Variants in FRMPD4 observed in about 807,000 individuals in gnomAD.
FRMPD4 encodes the protein FERM and PDZ domain containing 4.
Under a neutral mutation model 94.1 loss-of-function variants are expected in FRMPD4, and 22 were observed. The ratio of observed to expected loss-of-function variants is 0.23; its 90% CI spans 0.17 to 0.33. FRMPD4 has a LOEUF of 0.33. Ranked by LOEUF, FRMPD4 falls within the 10% of genes least tolerant of loss-of-function variation. FRMPD4 has a pLI of 1.00. For synonymous variants in FRMPD4, 631 were observed against 548.6 expected, an observed-to-expected ratio of 1.15 and a Z score of -2.10; for missense variants, 1,111 against 1,339.9, an observed-to-expected ratio of 0.83 and a Z score of 2.67.
chrX:12,259,834 C>A (rs59212188), intron 1 of FRMPD4, among the ~76,000 whole-genome samples: 2,861 of 111,082 alleles, frequency 0.026, 95 homozygotes, highest in African/African-American at 0.088. Context: ...CATTTTTAGT[C>A]ATCTTCTGCT....
Position 12,526,831 on chromosome X carries a change from T to A in FRMPD4, c.158+28035T>A, listed in dbSNP as rs181127413. Among the ~76,000 whole-genome samples, 937 of 112,611 alleles carry A rather than the reference T, an allele frequency of 8.3e-3. 5 individuals are homozygous for A. Among genetic ancestry groups the A allele is most frequent in the Middle Eastern group, 0.014 (3 of 216 alleles). On this transcript the variant is annotated intron_variant, in intron 2 of 16. Transcript: ENST00000675598. ...CAAAACTATTTCTTATGCTTTAAAATAATGTTGTCTTATACATCAGTGTAC... is the reference window on the plus strand; with the variant it reads ...CAAAACTATTTCTTATGCTTTAAAAAAATGTTGTCTTATACATCAGTGTAC...
intron 1 of FRMPD4, among the ~76,000 whole-genome samples, chrX:11,830,328 T>C (rs982719586): frequency 1.7e-4 from 19 of 112,318 alleles, no homozygotes; most frequent in African/African-American, 5.2e-4. Context: ...CTTTTAGTTA[T>C]ATATGTATGT....
At chrX:12,201,039 C>T (rs961095029) in intron 1 of FRMPD4, among the ~76,000 whole-genome samples, 4 of 112,180 alleles carry the variant, frequency 3.6e-5, no homozygotes, top group Admixed American at 1.9e-4. Context: ...ATGCAAGGCA[C>T]AGAGCCCCCC....
intron 1 of FRMPD4, among the ~76,000 whole-genome samples, chrX:12,354,563 C>A (rs907390415): frequency 3.7e-4 from 42 of 112,504 alleles, no homozygotes; most frequent in African/African-American, 6.5e-5. Context: ...TTCAGTCTCA[C>A]AAACATTTTC....
Position 12,138,874 on chromosome X carries a change from G to A in FRMPD4, c.-98G>A, listed in dbSNP as rs888541621. On this transcript the variant is annotated 5_prime_UTR_variant, in exon 1 of 17. Transcript: ENST00000675598. ...GCTGTCGCCGCGACTCGAGCCCCGGGCGCACTGAGGTCTTGGCCATGGGGC... is the reference window on the plus strand; with the variant it reads ...GCTGTCGCCGCGACTCGAGCCCCGGACGCACTGAGGTCTTGGCCATGGGGC... 10 of 673,359 alleles carry A rather than the reference G, an allele frequency of 1.5e-5. No individual in the cohort carries two copies. The highest frequency in any genetic ancestry group is 2.1e-5 in the Non-Finnish European group (10 of 481,409). 55.5% of individuals were successfully genotyped at this position (673,359 alleles called of 1,213,427 possible).
intron 1 of FRMPD4, among the ~76,000 whole-genome samples, chrX:12,476,204 G>T (rs2057596153): frequency 8.9e-6 from 1 of 111,991 alleles, no homozygotes; most frequent in Non-Finnish European, 1.9e-5. Flanking sequence ...ACAAAAACAA[G>T]CAATGGGGAA....
Position 12,594,325 on chromosome X carries a change from A to C in FRMPD4, c.159-15396A>C, listed in dbSNP as rs114502960. On this transcript the variant is annotated intron_variant, in intron 2 of 16. Coordinates refer to ENST00000675598, the MANE Select transcript of FRMPD4 (RefSeq NM_001368397.1). ...TTCTTCTAGTGCTTTCATAGGTTAA[A>C]TGTTTTACATCTAATACATACAGGA... Among the ~76,000 whole-genome samples, 505 of 112,115 alleles carry C rather than the reference A, an allele frequency of 4.5e-3. 5 individuals are homozygous for C. The highest frequency in any genetic ancestry group is 0.016 in the African/African-American group (495 of 30,877).
chrX:12,364,808 T>C (rs767785118), intron 1 of FRMPD4, among the ~76,000 whole-genome samples: 4 of 112,392 alleles, frequency 3.6e-5, no homozygotes, highest in Non-Finnish European at 5.6e-5. Flanking sequence ...GACTGATTTG[T>C]TGAGATTCAA....
intron 1 of FRMPD4, among the ~76,000 whole-genome samples, chrX:12,389,161 G>C (rs1299798717): frequency 3.7e-5 from 4 of 109,410 alleles, no homozygotes; most frequent in African/African-American, 1.0e-4. Flanking sequence ...GCTAATAATA[G>C]TGTACTGTAC....
chrX:12,333,176 C>T (rs2055459050), intron 1 of FRMPD4, among the ~76,000 whole-genome samples: 1 of 112,123 alleles, frequency 8.9e-6, no homozygotes, highest in Admixed American at 9.5e-5. Flanking sequence ...ATAAGTGACA[C>T]ATTTTATAGG....
chrX:12,254,703 T>C (rs1168535003), intron 1 of FRMPD4, among the ~76,000 whole-genome samples: 1 of 112,095 alleles, frequency 8.9e-6, no homozygotes, highest in South Asian at 3.8e-4. Flanking sequence ...CCAACAATTA[T>C]TTACGCAAGG....
intron 3 of FRMPD4, among the ~76,000 whole-genome samples, chrX:12,032,556 A>G (rs2054698289): frequency 8.9e-6 from 1 of 112,078 alleles, no homozygotes; most frequent in Non-Finnish European, 1.9e-5. Flanking sequence ...CCAAGAGAGG[A>G]AATTTTAAAT....
intron 1 of FRMPD4, among the ~76,000 whole-genome samples, chrX:12,229,223 C>T (rs961436273): frequency 9.0e-6 from 1 of 111,348 alleles, no homozygotes; most frequent in Non-Finnish European, 1.9e-5. Context: ...TTTTTTTTCC[C>T]GAGTCATGTC....
intron 1 of FRMPD4, among the ~76,000 whole-genome samples, chrX:12,473,891 C>T (rs2148179832): frequency 9.1e-6 from 1 of 109,631 alleles, no homozygotes; most frequent in East Asian, 2.8e-4. Context: ...CCACTGTCAA[C>T]ATTACACAGA....
chrX:12,659,930 T>G (rs1007257090), intron 4 of FRMPD4, among the ~76,000 whole-genome samples: 9 of 112,242 alleles, frequency 8.0e-5, no homozygotes, highest in Non-Finnish European at 1.7e-4. Context: ...AGCAGTAGTT[T>G]CCAAATTCAA....
chrX:12,592,006 A>G (rs2148394950), intron 2 of FRMPD4, among the ~76,000 whole-genome samples: 1 of 111,643 alleles, frequency 9.0e-6, no homozygotes, highest in Admixed American at 9.4e-5. Flanking sequence ...TCTCCAAGAC[A>G]GGTCGTAGGA....
intron 1 of FRMPD4, among the ~76,000 whole-genome samples, chrX:12,139,559 G>C (rs1479387553): frequency 1.9e-5 from 2 of 107,516 alleles, no homozygotes; most frequent in Admixed American, 9.8e-5. Flanking sequence ...TTTGGGGGGG[G>C]GGTAACTATA....
intron 3 of FRMPD4, among the ~76,000 whole-genome samples, chrX:11,930,210 C>T (rs763136336): frequency 7.6e-5 from 8 of 104,967 alleles, no homozygotes; most frequent in South Asian, 4.5e-4. Context: ...AGTGGCAAAA[C>T]GTGGCCCAAT....
intron 4 of FRMPD4, among the ~76,000 whole-genome samples, chrX:12,644,542 A>C (rs1192481225): frequency 9.0e-6 from 1 of 111,303 alleles, no homozygotes; most frequent in Non-Finnish European, 1.9e-5. Context: ...TAAACTTGGA[A>C]GGGAGTGTCT....
Sources: allele counts gnomAD v4.1 joint callset (sites outside exome capture counted in the v4.1 genomes callset), GRCh38; gene constraint gnomAD v4.1.1; transcripts MANE v1.5; gene names NCBI Gene and HGNC (gene_info 2026-07-23, HGNC 2026-07-21).